Variants in OTUD7A observed in about 807,000 individuals in gnomAD.
OTUD7A encodes the protein OTU deubiquitinase 7A, also known as OTU domain-containing protein 7A.
In OTUD7A, 12 loss-of-function variants were observed where a neutral mutation model predicts 65.7. The observed-to-expected ratio is 0.18, with a 90% CI of 0.12 to 0.30. The LOEUF is 0.30. OTUD7A is among the 10% of genes least tolerant of loss of function. The pLI is 1.00. For synonymous variants in OTUD7A, 641 were observed against 586.3 expected, an observed-to-expected ratio of 1.09 and a Z score of -1.35; for missense variants, 1,148 against 1,304.8, an observed-to-expected ratio of 0.88 and a Z score of 1.85.
intron 1 of OTUD7A, among the ~76,000 whole-genome samples, chr15:31,753,702 TTA>T (rs541921612): frequency 0.38 from 4,157 of 10,854 alleles, 336 homozygotes; most frequent in Middle Eastern, 0.5. Context: ...TATATATATA[TTA>T]TATATATATA....
intron 3 of OTUD7A, among the ~76,000 whole-genome samples, chr15:31,576,577 G>A (rs561668396): frequency 5.3e-4 from 81 of 152,248 alleles, no homozygotes; most frequent in Middle Eastern, 3.4e-3. Flanking sequence ...GATGTCTCAT[G>A]TCTCCCTAAA....
intron 1 of OTUD7A, among the ~76,000 whole-genome samples, chr15:31,688,604 T>C (rs1892894963): frequency 6.6e-6 from 1 of 152,202 alleles, no homozygotes; most frequent in Non-Finnish European, 1.5e-5. Flanking sequence ...TTGGATAATA[T>C]CACTTTATCG....
Position 31,592,905 on chromosome 15 carries a change from ATATATATATATAT to A in OTUD7A, c.152-22721_152-22709del, listed in dbSNP as rs1479261534. 3.7e-3 allele frequency among the ~76,000 whole-genome samples: 120 copies of A among 32,226 alleles called. 1 individual carries two copies. Among genetic ancestry groups the A allele is most frequent in the East Asian group, 7.9e-3 (6 of 762 alleles). The allele number at this position is 32,226 out of a possible 152,430, so 21.1% of individuals were successfully genotyped here. A position where few individuals can be genotyped will look rare whatever the true frequency, so the allele number is the denominator to read the frequency against. The stretch of plus-strand genomic sequence containing the variant: ...AAAAAAAAAAAAAAAAAAAAAAAAA[ATATATATATATAT>A]ATATATATATATATATATGTATATA... On this transcript the variant is annotated intron_variant, in intron 3 of 12. Transcript: ENST00000307050.
chr15:31,671,833 A>G (rs1892491531), intron 1 of OTUD7A, among the ~76,000 whole-genome samples: 1 of 152,218 alleles, frequency 6.6e-6, no homozygotes, highest in South Asian at 2.1e-4. Flanking sequence ...ACTGCATGTC[A>G]TGGGGGTTTG....
At chr15:31,802,668 T>C (rs1896166478) in intron 1 of OTUD7A, among the ~76,000 whole-genome samples, 2 of 152,244 alleles carry the variant, frequency 1.3e-5, no homozygotes, top group Non-Finnish European at 2.9e-5. Context: ...AATAGCACAT[T>C]TGAGATGTGG....
At chr15:31,515,372 G>T (rs1396369458) in intron 8 of OTUD7A, among the ~76,000 whole-genome samples, 1 of 152,062 alleles carries the variant, frequency 6.6e-6, no homozygotes, top group Non-Finnish European at 1.5e-5. Flanking sequence ...CAGCGTGAAG[G>T]CTCAGTATTG....
chr15:31,548,716 T>C (rs1350311018), intron 5 of OTUD7A, among the ~76,000 whole-genome samples: 1 of 152,188 alleles, frequency 6.6e-6, no homozygotes, highest in Non-Finnish European at 1.5e-5. Flanking sequence ...ATAGTTGCCA[T>C]AGTGCCCACC....
At chr15:31,554,805 G>C (rs1226465071) in intron 5 of OTUD7A, among the ~76,000 whole-genome samples, 1 of 152,230 alleles carries the variant, frequency 6.6e-6, no homozygotes, top group African/African-American at 2.4e-5. Context: ...AGGATCAGCT[G>C]ATGGCAAAAG....
intron 1 of OTUD7A, among the ~76,000 whole-genome samples, chr15:31,661,602 TCTC>T (rs1892166193): frequency 6.6e-6 from 1 of 152,206 alleles, no homozygotes; most frequent in South Asian, 2.1e-4. Context: ...CTCCAACCCT[TCTC>T]CTGCTCACAT....
chr15:31,847,802 C>T (rs1191199250), intron 1 of OTUD7A, among the ~76,000 whole-genome samples: 2 of 152,162 alleles, frequency 1.3e-5, no homozygotes, highest in African/African-American at 4.8e-5. Flanking sequence ...GCTGAGAGGA[C>T]TCAGGAAACT....
chr15:31,569,872 T>C (rs1013610330), intron 4 of OTUD7A, 146 bp downstream of exon 4: 33 of 784,422 alleles, frequency 4.2e-5, no homozygotes, highest in Non-Finnish European at 5.4e-5. Context: ...CATTTCGGCA[T>C]AGTGTGAGAA....
At chr15:31,681,268 T>C (rs1268352598) in intron 1 of OTUD7A, among the ~76,000 whole-genome samples, 2 of 152,022 alleles carry the variant, frequency 1.3e-5, no homozygotes, top group African/African-American at 4.8e-5. Context: ...TCTTTCTTTC[T>C]GCCATCCTGT....
intron 1 of OTUD7A, among the ~76,000 whole-genome samples, chr15:31,812,254 AG>A (rs1279596560): frequency 6.6e-6 from 1 of 152,106 alleles, no homozygotes; most frequent in Non-Finnish European, 1.5e-5. Flanking sequence ...GAGCCCAACC[AG>A]GGCTTCCACA....
chr15:31,761,166 A>C (rs1376366635), intron 1 of OTUD7A, among the ~76,000 whole-genome samples: 4 of 152,226 alleles, frequency 2.6e-5, no homozygotes, highest in African/African-American at 9.6e-5. Flanking sequence ...AATCAACAAA[A>C]GAACAGATAA....
intron 1 of OTUD7A, among the ~76,000 whole-genome samples, chr15:31,682,088 G>A (rs554517814): frequency 3.9e-5 from 6 of 152,256 alleles, no homozygotes; most frequent in African/African-American, 1.4e-4. Flanking sequence ...CAAAGTGGAG[G>A]GCTGAGCTCC....
chr15:31,661,846 A>C (rs1488271397), intron 1 of OTUD7A, among the ~76,000 whole-genome samples: 2 of 152,182 alleles, frequency 1.3e-5, no homozygotes, highest in African/African-American at 4.8e-5. Context: ...TCTTATTGTA[A>C]TTGGTTGATA....
At chr15:31,779,155 T>C (rs906443600) in intron 1 of OTUD7A, among the ~76,000 whole-genome samples, 1 of 152,200 alleles carries the variant, frequency 6.6e-6, no homozygotes, top group South Asian at 2.1e-4. Flanking sequence ...GTTAAGACTG[T>C]CCATTCCTCA....
At chr15:31,610,617 A>ATATATATATATATATATTTT in intron 3 of OTUD7A, among the ~76,000 whole-genome samples, 1 of 30,562 alleles carries the variant, frequency 3.3e-5, no homozygotes, top group African/African-American at 1.7e-4. Context: ...ATATATATAT[A>ATATATATATATATATATTTT]TTTTTTTTTT....
At chr15:31,536,283 T>G (rs568431558) in intron 5 of OTUD7A, among the ~76,000 whole-genome samples, 2 of 152,350 alleles carry the variant, frequency 1.3e-5, no homozygotes, top group African/African-American at 4.8e-5. Context: ...GTGACACAAA[T>G]GTCATCTTAC....
Sources: gnomAD v4.1 joint callset for allele counts (sites outside exome capture counted in the v4.1 genomes callset) on GRCh38, gnomAD v4.1.1 for gene constraint, MANE v1.5 for transcripts, NCBI Gene and HGNC (gene_info 2026-07-23, HGNC 2026-07-21) for gene names.